CUBN: variants seen among roughly 807,000 people sequenced by gnomAD.
The protein encoded by CUBN is 460 kDa receptor.
In CUBN, 282 loss-of-function variants were observed where a neutral mutation model predicts 405.3. The observed-to-expected ratio is 0.70, with a 90% CI of 0.63 to 0.77. The LOEUF (loss-of-function observed/expected upper bound fraction) is 0.77, where lower values mean the gene tolerates loss of function less well. Among genes scored for constraint, CUBN ranks in the 30% least tolerant of loss-of-function variants. The pLI, the probability that CUBN is intolerant of heterozygous loss-of-function variation, is 0.00. For synonymous variants in CUBN, 1,684 were observed against 1,617.0 expected, an observed-to-expected ratio of 1.04 and a Z score of -0.99; for missense variants, 4,514 against 4,475.2, an observed-to-expected ratio of 1.01 and a Z score of -0.25.
intron 56 of CUBN, 132 bp downstream of exon 56, chr10:16,888,285 G>A (rs1840880032): frequency 2.7e-6 from 2 of 747,708 alleles, no homozygotes; most frequent in South Asian, 3.2e-5. Context: ...AAGTAAGTGA[G>A]TGAGCAGACA....
chr10:17,031,791 A>G (rs1381196807), intron 27 of CUBN, among the ~76,000 whole-genome samples: 1 of 152,214 alleles, frequency 6.6e-6, no homozygotes, highest in East Asian at 1.9e-4. Flanking sequence ...AAACCAAGCA[A>G]TTTGGAAATT....
intron 17 of CUBN, among the ~76,000 whole-genome samples, chr10:17,078,808 T>C (rs964082009): frequency 4.3e-4 from 66 of 152,172 alleles, no homozygotes; most frequent in Admixed American, 1.1e-3. Flanking sequence ...ATTGTTTCCA[T>C]TTTATATCAG....
intron 59 of CUBN, among the ~76,000 whole-genome samples, chr10:16,867,913 C>T (rs1476961508): frequency 6.6e-6 from 1 of 151,322 alleles, no homozygotes; most frequent in East Asian, 1.9e-4. Flanking sequence ...ATTGTTAACA[C>T]AACAATTACC....
At chr10:16,899,643 G>A (rs1484179214) in intron 53 of CUBN, among the ~76,000 whole-genome samples, 1 of 152,138 alleles carries the variant, frequency 6.6e-6, no homozygotes, top group Non-Finnish European at 1.5e-5. Flanking sequence ...CTTTTATTAA[G>A]CAATCTGATT....
chr10:17,051,181 G>A (rs1162634335), intron 22 of CUBN, among the ~76,000 whole-genome samples: 2 of 152,006 alleles, frequency 1.3e-5, no homozygotes, highest in Non-Finnish European at 2.9e-5. Flanking sequence ...CCAACATGGT[G>A]AAACACCATC....
intron 48 of CUBN, among the ~76,000 whole-genome samples, chr10:16,908,546 T>G (rs1416210964): frequency 6.6e-6 from 1 of 152,264 alleles, no homozygotes; most frequent in East Asian, 1.9e-4. Context: ...ATTCAAAGCT[T>G]CAATTTTCTT....
intron 28 of CUBN, among the ~76,000 whole-genome samples, chr10:17,008,461 T>TGTGC (rs749739564): frequency 6.8e-6 from 1 of 147,514 alleles, no homozygotes. Context: ...TGTGTGTGTG[T>TGTGC]GTGCGCGCTT....
At chr10:16,964,573 C>G (rs1031944693) in intron 31 of CUBN, among the ~76,000 whole-genome samples, 2 of 152,082 alleles carry the variant, frequency 1.3e-5, no homozygotes, top group African/African-American at 4.8e-5. Flanking sequence ...CTTATTTCTT[C>G]TTTTCTGTAT....
chr10:16,919,914 A>G (rs367902613), intron 44 of CUBN, 49 bp downstream of exon 44: 4 of 1,588,494 alleles, frequency 2.5e-6, no homozygotes, highest in Non-Finnish European at 3.4e-6. Context: ...ATGACGGTTA[A>G]AAAATACTAA....
At position 17,019,889 on chromosome 10, in the gene CUBN, A is replaced by T; in HGVS notation, c.4112T>A (p.Leu1371His). Residue 1371 changes from leucine (L) to histidine (H), a missense_variant, in exon 28 of 67, where the codon CTT (leucine) becomes CAT (histidine). This residue lies in a region of CUBN where 242 missense variants were observed against 309.0 expected (regional missense o/e 0.78). Coordinates refer to ENST00000377833, the MANE Select transcript of CUBN (RefSeq NM_001081.4). The stretch of plus-strand genomic sequence containing the variant: ...CTCACGGCGGCCAACCCCATCTGTA[A>T]GGAGCAGCACTTGAAGCTTGGAGCT... ...TTSSKLQVLL[L>H]TDGVGRREKG... 1 of 1,614,158 alleles carries T rather than the reference A, an allele frequency of 6.2e-7. No homozygotes were observed. The highest frequency in any genetic ancestry group is 2.2e-5 in the East Asian group (1 of 44,874).
At chr10:16,831,094 A>T (rs977350074) in intron 65 of CUBN, among the ~76,000 whole-genome samples, 158 bp downstream of exon 65, 1 of 152,210 alleles carries the variant, frequency 6.6e-6, no homozygotes, top group Admixed American at 6.5e-5. Flanking sequence ...TTCAAAAAAA[A>T]AAAAGTAATC....
At chr10:16,865,194 T>G (rs1330346815) in intron 59 of CUBN, among the ~76,000 whole-genome samples, 1 of 151,812 alleles carries the variant, frequency 6.6e-6, no homozygotes, top group African/African-American at 2.4e-5. Flanking sequence ...GGTCTTGGAC[T>G]CCTGACCTCA....
chr10:17,041,156 A>T lies in CUBN; in HGVS notation c.3894T>A (p.Asn1298Lys). Residue 1298 changes from asparagine (N) to lysine (K), a missense_variant, in exon 27 of 67, where the codon AAT (asparagine) becomes AAA (lysine). By Grantham distance (94) the Asn-to-Lys change is moderately conservative (BLOSUM62 0). Transcript: ENST00000377833. ...YGILESIGYP[N>K]PYSENQHCNW... ...TGCAATGCTGATTTTCAGAATAAGG[A>T]TTCGGATACCCTATACTCTCTAAGA... The T allele has an allele frequency of 6.2e-7, 1 of 1,613,814 alleles. No individual in the cohort carries two copies. Among genetic ancestry groups the T allele is most frequent in the Non-Finnish European group, 8.5e-7 (1 of 1,179,752 alleles).
At chr10:17,083,516 A>ATAAATAAATACATACATACATAC (rs1836020032) in intron 17 of CUBN, among the ~76,000 whole-genome samples, 1 of 142,626 alleles carries the variant, frequency 7.0e-6, no homozygotes. Context: ...AAAATAAATA[A>ATAAATAAATACATACATACATAC]ATACATACAT....
intron 59 of CUBN, among the ~76,000 whole-genome samples, chr10:16,862,230 G>A (rs1840041103): frequency 1.3e-5 from 2 of 151,370 alleles, no homozygotes; most frequent in Non-Finnish European, 2.9e-5. Context: ...TTGCCACAGA[G>A]GCAATGAAGG....
At chr10:16,924,539 CATAGG>C (rs1475363915) in intron 43 of CUBN, among the ~76,000 whole-genome samples, 2 of 151,988 alleles carry the variant, frequency 1.3e-5, no homozygotes, top group Non-Finnish European at 2.9e-5. Flanking sequence ...GGATTCAAGT[CATAGG>C]ATCATTTTGA....
intron 14 of CUBN, among the ~76,000 whole-genome samples, chr10:17,099,022 T>C (rs964678289): frequency 1.3e-5 from 2 of 152,184 alleles, no homozygotes; most frequent in Non-Finnish European, 2.9e-5. Flanking sequence ...ATAAAATTCT[T>C]TGGGAAAACT....
rs552325988 is a variant in CUBN, at chr10:17,023,712, T to C, written c.4018-3729A>G. Reference sequence around the variant, plus strand: ...AGATCTACTCAGAGTGAACAATACTTGAAGTTCTAATTGAGTTACAGAAAG... The same window carrying C: ...AGATCTACTCAGAGTGAACAATACTCGAAGTTCTAATTGAGTTACAGAAAG... On this transcript the variant is annotated intron_variant, in intron 27 of 66. Coordinates refer to ENST00000377833, the MANE Select transcript of CUBN (RefSeq NM_001081.4). 92 of 428,120 alleles carry C rather than the reference T, an allele frequency of 2.1e-4. 1 individual carries two copies. The Admixed American group carries it at 2.4e-3, about 11-fold the overall frequency. The allele number at this position is 428,120 out of a possible 1,614,324, so 26.5% of individuals were successfully genotyped here. A position where few individuals can be genotyped will look rare whatever the true frequency, so the allele number is the denominator to read the frequency against.
At chr10:16,833,313 A>ATAAC (rs1564375439) in intron 64 of CUBN, among the ~76,000 whole-genome samples, 2 of 152,208 alleles carry the variant, frequency 1.3e-5, no homozygotes, top group Admixed American at 1.3e-4. Flanking sequence ...GGCACAAAGA[A>ATAAC]TAACTGTATT....
Sources: gnomAD v4.1 joint callset for allele counts (sites outside exome capture counted in the v4.1 genomes callset) on GRCh38, gnomAD v4.1.1 for gene constraint, gnomAD v4.1.1 regional missense constraint, MANE v1.5 for transcripts, NCBI Gene and HGNC (gene_info 2026-07-23, HGNC 2026-07-21) for gene names.